The following EYA4 variants were observed in gnomAD, a reference collection of about 807,000 sequenced individuals.
EYA4 encodes the protein protein phosphatase EYA4.
A neutral mutation model predicts 87.9 loss-of-function variants in EYA4; 31 were observed. That is an observed-to-expected ratio of 0.35 (90% CI 0.27 to 0.48). EYA4 has a LOEUF of 0.48. Ranked by LOEUF, EYA4 falls within the 20% of genes least tolerant of loss-of-function variation. EYA4 has a pLI of 0.99. For missense variants in EYA4, 678 were observed against 761.4 expected (o/e 0.89, Z 1.29); for synonymous variants, 263 against 270.6 (o/e 0.97, Z 0.28).
At chr6:133,467,399 T>G (rs1451881518) in intron 10 of EYA4, among the ~76,000 whole-genome samples, 3 of 152,054 alleles carry the variant, frequency 2.0e-5, no homozygotes, top group African/African-American at 7.2e-5. Context: ...ATTAAATGAG[T>G]AAATATATCT....
chr6:133,276,347 G>A (rs965090925), intron 2 of EYA4, among the ~76,000 whole-genome samples: 1 of 152,074 alleles, frequency 6.6e-6, no homozygotes, highest in Non-Finnish European at 1.5e-5. Context: ...ACAAAGTTTG[G>A]GGGAAAACCA....
intron 1 of EYA4, among the ~76,000 whole-genome samples, chr6:133,245,946 C>T (rs1052739346): frequency 6.6e-6 from 1 of 152,142 alleles, no homozygotes; most frequent in South Asian, 2.1e-4. Context: ...TAGTGTTTCT[C>T]CATCCATCTT....
intron 14 of EYA4, among the ~76,000 whole-genome samples, chr6:133,508,356 T>C (rs1331683787): frequency 6.6e-6 from 1 of 152,012 alleles, no homozygotes; most frequent in Non-Finnish European, 1.5e-5. Context: ...TATATATATA[T>C]CTGGTAATAA....
chr6:133,242,093 G>A (rs1481462643), intron 1 of EYA4, among the ~76,000 whole-genome samples: 2 of 152,246 alleles, frequency 1.3e-5, no homozygotes, highest in East Asian at 1.9e-4. Context: ...TCCAGCGCGC[G>A]GCTTCTACCT....
At chr6:133,527,068 C>T (rs1464810071) in intron 19 of EYA4, among the ~76,000 whole-genome samples, 1 of 152,174 alleles carries the variant, frequency 6.6e-6, no homozygotes, top group Non-Finnish European at 1.5e-5. Context: ...ACGCATAACC[C>T]TGAATGGAAA....
At chr6:133,511,956 GGGCGACTAA>G (rs1222297352) in intron 14 of EYA4, among the ~76,000 whole-genome samples, 20 of 150,822 alleles carry the variant, frequency 1.3e-4, no homozygotes, top group South Asian at 4.2e-4. Flanking sequence ...ACTCCAACCT[GGGCGACTAA>G]GTGAGATTCC....
At chr6:133,370,160 C>T (rs1228251931) in intron 2 of EYA4, among the ~76,000 whole-genome samples, 1 of 152,162 alleles carries the variant, frequency 6.6e-6, no homozygotes, top group Non-Finnish European at 1.5e-5. Context: ...AACCTCGACA[C>T]AGTTTCATTC....
At chr6:133,385,136 A>G (rs931980414) in intron 3 of EYA4, among the ~76,000 whole-genome samples, 2 of 151,526 alleles carry the variant, frequency 1.3e-5, no homozygotes, top group Admixed American at 1.3e-4. Context: ...CGTCTCTACT[A>G]AAAAAACAAA....
chr6:133,411,022 A>G (rs1051517838), intron 3 of EYA4, among the ~76,000 whole-genome samples: 5 of 151,134 alleles, frequency 3.3e-5, no homozygotes, highest in Non-Finnish European at 7.4e-5. Context: ...TGCCCTCTCA[A>G]GCCTAATCAG....
intron 2 of EYA4, among the ~76,000 whole-genome samples, chr6:133,373,783 G>A (rs1229912090): frequency 1.6e-4 from 25 of 152,000 alleles, no homozygotes; most frequent in Admixed American, 1.5e-3. Flanking sequence ...GCACATTTGT[G>A]AGGAAAAAAA....
At chr6:133,472,477 G>C (rs1423479833) in intron 11 of EYA4, among the ~76,000 whole-genome samples, 1 of 89,616 alleles carries the variant, frequency 1.1e-5, no homozygotes, top group East Asian at 4.3e-4. Flanking sequence ...TATAATTTCT[G>C]TTCTTTTACA....
intron 6 of EYA4, among the ~76,000 whole-genome samples, chr6:133,459,964 T>C (rs1275796906): frequency 6.6e-6 from 1 of 152,028 alleles, no homozygotes; most frequent in Non-Finnish European, 1.5e-5. Flanking sequence ...ATAGGCAAAA[T>C]AGCATTTTAA....
At chr6:133,524,234 A>G (rs1044793673) in intron 18 of EYA4, among the ~76,000 whole-genome samples, 6 of 152,200 alleles carry the variant, frequency 3.9e-5, no homozygotes, top group Non-Finnish European at 2.9e-5. Context: ...CAGAATAAAC[A>G]TTTATTTTAG....
At chr6:133,348,042 C>T (rs1436030723) in intron 2 of EYA4, among the ~76,000 whole-genome samples, 2 of 152,084 alleles carry the variant, frequency 1.3e-5, no homozygotes, top group South Asian at 4.1e-4. Context: ...CTGGGTTCTG[C>T]CATAATTAGT....
chr6:133,278,981 G>A (rs1268445317), intron 2 of EYA4, among the ~76,000 whole-genome samples: 2 of 151,944 alleles, frequency 1.3e-5, no homozygotes, highest in African/African-American at 4.8e-5. Context: ...TTGTATTTTT[G>A]TATTCAAGCA....
At chr6:133,465,623 G>T (rs1435296812) in intron 10 of EYA4, among the ~76,000 whole-genome samples, 2 of 152,012 alleles carry the variant, frequency 1.3e-5, no homozygotes, top group African/African-American at 4.8e-5. Context: ...CTTATTTTTT[G>T]ATTTTCAGCC....
chr6:133,475,324 A>T (rs971591022), intron 11 of EYA4, among the ~76,000 whole-genome samples: 2 of 152,114 alleles, frequency 1.3e-5, no homozygotes, highest in African/African-American at 4.8e-5. Flanking sequence ...AAGATGAGAA[A>T]TATTTTTATA....
intron 2 of EYA4, among the ~76,000 whole-genome samples, chr6:133,332,508 T>C (rs1302574094): frequency 1.3e-5 from 2 of 152,134 alleles, no homozygotes; most frequent in South Asian, 2.1e-4. Flanking sequence ...ATTTTGGCAA[T>C]TGGAAAGTGC....
chr6:133,326,753 C>T (rs953662365), intron 2 of EYA4, among the ~76,000 whole-genome samples: 2 of 152,224 alleles, frequency 1.3e-5, no homozygotes, highest in Non-Finnish European at 2.9e-5. Flanking sequence ...CATCCCTTCA[C>T]CGTGACTGAA....
Sources: gnomAD v4.1 joint callset for allele counts (sites outside exome capture counted in the v4.1 genomes callset) on GRCh38, gnomAD v4.1.1 for gene constraint, MANE v1.5 for transcripts, NCBI Gene and HGNC (gene_info 2026-07-23, HGNC 2026-07-21) for gene names.